ZFAND3: variants seen among roughly 807,000 people sequenced by gnomAD.
ZFAND3 encodes the protein AN1-type zinc finger protein 3.
A neutral mutation model predicts 29.6 loss-of-function variants in ZFAND3; 10 were observed. That is an observed-to-expected ratio of 0.34 (90% CI 0.21 to 0.57). The LOEUF is 0.57. Among genes scored for constraint, ZFAND3 ranks in the 20% least tolerant of loss-of-function variants. The probability of loss-of-function intolerance (pLI) is 0.86; values close to 1 mark genes in which losing one functional copy is unlikely to be tolerated. For missense variants in ZFAND3, 230 were observed against 304.5 expected (o/e 0.76, Z 1.82); for synonymous variants, 128 against 112.6 (o/e 1.14, Z -0.87).
chr6:38,026,071 A>G (rs1763441406), intron 2 of ZFAND3, among the ~76,000 whole-genome samples: 1 of 152,230 alleles, frequency 6.6e-6, no homozygotes, highest in Non-Finnish European at 1.5e-5. Context: ...TAAAGCTGTT[A>G]CAAAAATAAC....
At chr6:38,079,881 TA>T (rs752069008) in intron 3 of ZFAND3, among the ~76,000 whole-genome samples, 9 of 152,146 alleles carry the variant, frequency 5.9e-5, no homozygotes, top group Non-Finnish European at 1.0e-4. Context: ...ACTTGTATTT[TA>T]AAAAATGATC....
At chr6:37,876,880 G>A (rs1157067674) in intron 1 of ZFAND3, among the ~76,000 whole-genome samples, 1 of 152,084 alleles carries the variant, frequency 6.6e-6, no homozygotes, top group Non-Finnish European at 1.5e-5. Flanking sequence ...GGTTATTTTC[G>A]ATGTTTAGTT....
Position 38,153,374 on chromosome 6 carries a change from C to T in ZFAND3, c.*985C>T, listed in dbSNP as rs1436867677. The T allele has an allele frequency of 1.0e-5, 10 of 985,394 alleles. No homozygotes were observed. Among genetic ancestry groups the T allele is most frequent in the Non-Finnish European group, 1.1e-5 (9 of 829,964 alleles). The allele number at this position is 985,394 out of a possible 1,614,324, so 61.0% of individuals were successfully genotyped here. ...TCTGCCCCTTCCAGCTGGAGCCGCC[C>T]GTGCCTCCAGGGGCCAAGAGGATGA... On this transcript the variant is annotated 3_prime_UTR_variant, in exon 6 of 6. Transcript: ENST00000287218.
chr6:38,059,145 T>G (rs1764187937), intron 2 of ZFAND3, among the ~76,000 whole-genome samples: 1 of 152,184 alleles, frequency 6.6e-6, no homozygotes, highest in Admixed American at 6.5e-5. Context: ...TACCAACAGC[T>G]TAAGAAATAA....
At chr6:38,144,218 A>ATATATATATATATATATAATAT (rs1554183997) in intron 5 of ZFAND3, among the ~76,000 whole-genome samples, 8 of 31,446 alleles carry the variant, frequency 2.5e-4, no homozygotes, top group African/African-American at 1.5e-3. Context: ...TATAATATAT[A>ATATATATATATATATATAATAT]ATATATATAT....
intron 2 of ZFAND3, among the ~76,000 whole-genome samples, chr6:37,984,154 C>T (rs1387544946): frequency 6.6e-6 from 1 of 152,076 alleles, no homozygotes; most frequent in Non-Finnish European, 1.5e-5. Flanking sequence ...GCTAAACTTC[C>T]ATAATGTGTC....
intron 3 of ZFAND3, chr6:38,062,705 T>G (rs1764264954): frequency 6.6e-6 from 1 of 152,210 alleles, no homozygotes; most frequent in Non-Finnish European, 1.5e-5. Context: ...TGTCATAATA[T>G]ACATCTCTTT....
chr6:37,982,579 G>C (rs190965451), intron 2 of ZFAND3, among the ~76,000 whole-genome samples: 9 of 152,214 alleles, frequency 5.9e-5, no homozygotes, highest in Non-Finnish European at 1.3e-4. Context: ...TTACACATGT[G>C]TTTACGATGA....
chr6:37,943,035 AAAGG>A (rs1304941627), intron 2 of ZFAND3, among the ~76,000 whole-genome samples: 1 of 152,200 alleles, frequency 6.6e-6, no homozygotes, highest in Non-Finnish European at 1.5e-5. Context: ...AGAGAGAACA[AAAGG>A]AATGCATTTC....
At chr6:38,112,525 G>A (rs1437947033) in intron 4 of ZFAND3, among the ~76,000 whole-genome samples, 1 of 152,218 alleles carries the variant, frequency 6.6e-6, no homozygotes, top group African/African-American at 2.4e-5. Flanking sequence ...GAGTATGTAA[G>A]TAGACTGTTA....
At chr6:38,107,829 C>T (rs1326300989) in intron 4 of ZFAND3, among the ~76,000 whole-genome samples, 2 of 151,732 alleles carry the variant, frequency 1.3e-5, no homozygotes. Flanking sequence ...TAACCACCTG[C>T]TTAAAAGTTA....
intron 2 of ZFAND3, among the ~76,000 whole-genome samples, chr6:37,961,811 T>TC (rs571711330): frequency 4.1e-4 from 62 of 152,088 alleles, no homozygotes; most frequent in African/African-American, 1.5e-3. Flanking sequence ...GGGCTTGAGG[T>TC]CCCCCCTAAA....
intron 2 of ZFAND3, among the ~76,000 whole-genome samples, chr6:38,024,891 TCAAA>T (rs914929809): frequency 1.3e-5 from 2 of 152,224 alleles, no homozygotes; most frequent in East Asian, 3.8e-4. Flanking sequence ...GAGGCAATGG[TCAAA>T]CAAAGTTGTA....
At chr6:37,879,340 T>G (rs73419440) in intron 1 of ZFAND3, among the ~76,000 whole-genome samples, 33,016 of 130,472 alleles carry the variant, frequency 0.25, 4,476 homozygotes, top group African/African-American at 0.4. Flanking sequence ...TTTTGTTTTG[T>G]TTTTTTTTTG....
chr6:38,094,436 A>G (rs6921342), intron 4 of ZFAND3, among the ~76,000 whole-genome samples: 1 of 152,210 alleles, frequency 6.6e-6, no homozygotes, highest in Non-Finnish European at 1.5e-5. Flanking sequence ...AGAATAGCTT[A>G]GAAAAGAAAG....
intron 2 of ZFAND3, among the ~76,000 whole-genome samples, chr6:37,945,190 T>G (rs927052644): frequency 6.6e-6 from 1 of 152,198 alleles, no homozygotes; most frequent in Non-Finnish European, 1.5e-5. Context: ...TTTCAGGGTC[T>G]TCTTGGCTCC....
intron 1 of ZFAND3, among the ~76,000 whole-genome samples, chr6:37,859,380 C>T (rs1187198443): frequency 2.6e-5 from 4 of 152,166 alleles, no homozygotes; most frequent in Non-Finnish European, 5.9e-5. Flanking sequence ...TGGACTTGGC[C>T]TGTAATATCT....
intron 2 of ZFAND3, among the ~76,000 whole-genome samples, chr6:38,030,089 T>C (rs1338593035): frequency 2.8e-5 from 2 of 72,712 alleles, no homozygotes; most frequent in South Asian, 4.8e-4. Context: ...TATATATATA[T>C]ATATATATAT....
intron 1 of ZFAND3, among the ~76,000 whole-genome samples, chr6:37,870,582 G>A (rs1391427637): frequency 1.4e-5 from 2 of 140,560 alleles, no homozygotes; most frequent in Non-Finnish European, 3.0e-5. Flanking sequence ...CTTGGCGACA[G>A]AGCAAGGCTC....
Sources: allele counts gnomAD v4.1 joint callset (sites outside exome capture counted in the v4.1 genomes callset), GRCh38; gene constraint gnomAD v4.1.1; transcripts MANE v1.5; gene names NCBI Gene and HGNC (gene_info 2026-07-23, HGNC 2026-07-21).